The following NAV1 variants were observed in gnomAD, a reference collection of about 807,000 sequenced individuals.
NAV1 encodes the protein neuron navigator 1.
A neutral mutation model predicts 175.2 loss-of-function variants in NAV1; 18 were observed. The observed-to-expected ratio is 0.10, with a 90% CI of 0.07 to 0.15. The LOEUF (loss-of-function observed/expected upper bound fraction) is 0.15, where lower values mean the gene tolerates loss of function less well. Ranked by LOEUF, NAV1 falls within the 10% of genes least tolerant of loss-of-function variation. The probability of loss-of-function intolerance (pLI) is 1.00; values close to 1 mark genes in which losing one functional copy is unlikely to be tolerated. For synonymous variants in NAV1, 897 were observed against 978.7 expected (o/e 0.92, Z 1.56); for missense variants, 1,731 against 2,436.6 (o/e 0.71, Z 6.10).
chr1:201,570,588 A>AG (rs1666505250), intron 1 of NAV1, among the ~76,000 whole-genome samples: 1 of 152,230 alleles, frequency 6.6e-6, no homozygotes, highest in South Asian at 2.1e-4. Context: ...CCCACCAGTG[A>AG]GAAAAAAAAG....
At chr1:201,648,439 C>G in exon 1 of NAV1, 2 of 1,219,368 alleles carry the variant, frequency 1.6e-6, no homozygotes, top group Non-Finnish European at 2.0e-6. Flanking sequence ...CTTCCCTGCT[C>G]TTTCCTTTTT....
chr1:201,630,478 T>G (rs1390994942), intron 2 of NAV1, among the ~76,000 whole-genome samples: 1 of 152,214 alleles, frequency 6.6e-6, no homozygotes, highest in Admixed American at 6.5e-5. Flanking sequence ...GTATACTGCT[T>G]CTGTCTTCTC....
chr1:201,661,813 T>A (rs1022344773), intron 1 of NAV1, among the ~76,000 whole-genome samples: 1 of 152,166 alleles, frequency 6.6e-6, no homozygotes, highest in Non-Finnish European at 1.5e-5. Context: ...TTTCCCAGAG[T>A]GCTGCATCTA....
At chr1:201,790,506 A>T in intron 11 of NAV1, 48 bp from the exon 16 acceptor site, 3 of 1,610,686 alleles carry the variant, frequency 1.9e-6, no homozygotes, top group Non-Finnish European at 2.5e-6. Context: ...CTCCATAGTA[A>T]CTACTTCCTT....
chr1:201,626,774 C>T (rs1668341720), intron 1 of NAV1, among the ~76,000 whole-genome samples: 1 of 152,188 alleles, frequency 6.6e-6, no homozygotes, highest in Admixed American at 6.5e-5. Context: ...TTAATGGTAT[C>T]AGGAGCGTAG....
intron 3 of NAV1, among the ~76,000 whole-genome samples, chr1:201,751,378 T>A (rs1376773465): frequency 1.3e-5 from 2 of 152,232 alleles, no homozygotes; most frequent in Non-Finnish European, 1.5e-5. Flanking sequence ...ACTTTGTCAC[T>A]GATTTGTTCC....
chr1:201,789,867 G>C, intron 11 of NAV1, 75 bp downstream of exon 15: 1 of 1,447,782 alleles, frequency 6.9e-7, no homozygotes, highest in South Asian at 1.1e-5. Context: ...CCTCCTTGGA[G>C]TTGGGTAACT....
At chr1:201,565,620 C>A (rs1051724388) in intron 1 of NAV1, among the ~76,000 whole-genome samples, 1 of 152,210 alleles carries the variant, frequency 6.6e-6, no homozygotes, top group African/African-American at 2.4e-5. Context: ...AACTGAGCCC[C>A]CTCTGTGGGA....
At chr1:201,739,600 C>T (rs1054005769) in intron 3 of NAV1, 29 of 177,686 alleles carry the variant, frequency 1.6e-4, no homozygotes, top group African/African-American at 6.9e-4. Context: ...CGAGTAAGAG[C>T]GCCCAAGGGA....
chr1:201,680,097 G>A (rs1000630316), intron 1 of NAV1, among the ~76,000 whole-genome samples: 2 of 152,182 alleles, frequency 1.3e-5, no homozygotes, highest in Non-Finnish European at 2.9e-5. Flanking sequence ...TACAAGCAAG[G>A]CACCAGCATC....
intron 2 of NAV1, among the ~76,000 whole-genome samples, chr1:201,642,808 C>G (rs373420754): frequency 1.3e-5 from 2 of 149,698 alleles, no homozygotes; most frequent in African/African-American, 4.9e-5. Context: ...CTTGCTCTGT[C>G]GCCCAGGCTG....
chr1:201,639,050 G>A (rs1668680573), intron 2 of NAV1, among the ~76,000 whole-genome samples: 1 of 152,226 alleles, frequency 6.6e-6, no homozygotes, highest in African/African-American at 2.4e-5. Context: ...TCCTGGAGGA[G>A]GTGGCTCTGA....
At position 201,718,077 on chromosome 1, in the gene NAV1, C is replaced by T. The variant is rs1462465272; in HGVS notation, c.861-313C>T. On this transcript the variant is annotated intron_variant, in intron 2 of 29. Coordinates refer to ENST00000367296, the Ensembl canonical transcript of NAV1. The surrounding 1 kb of genome is among the most constrained non-coding windows in gnomAD (Gnocchi z 4.8). ...ACTGAAGCTTTAGTTATTTACTTTC[C>T]TTGGGCTCCTTTACTAACCAATACC... Among the ~76,000 whole-genome samples the T allele has an allele frequency of 6.6e-6, 1 of 152,206 alleles. No homozygotes were observed. Among genetic ancestry groups the T allele is most frequent in the Non-Finnish European group, 1.5e-5 (1 of 68,040 alleles).
intron 3 of NAV1, among the ~76,000 whole-genome samples, chr1:201,751,922 C>G (rs868716780): frequency 1.4e-4 from 22 of 152,198 alleles, no homozygotes; most frequent in African/African-American, 5.3e-4. Context: ...TCTTTTCGTT[C>G]TTTTTTTGTT....
chr1:201,804,027 G>A, intron 16 of NAV1: 1 of 508,510 alleles, frequency 2.0e-6, no homozygotes, highest in Non-Finnish European at 3.8e-6. Flanking sequence ...CATCTTATCA[G>A]TTCTGTCCCC....
Position 201,539,631 on chromosome 1 carries a change from C to T in NAV1, c.-144+289C>T, listed in dbSNP as rs1041303916. Among the ~76,000 whole-genome samples, 7 of 152,146 alleles carry T rather than the reference C, an allele frequency of 4.6e-5. No homozygotes were observed. Among genetic ancestry groups the T allele is most frequent in the African/African-American group, 1.7e-4 (7 of 41,446 alleles). ...TCCGGGGGGGCTGCCTAACTTCAGT[C>T]CCTCTGAGCCTCAGTTTCCTTGTTG... is the stretch of plus-strand genomic sequence containing the variant. On this transcript the variant is annotated intron_variant, in intron 1 of 33. Transcript: ENST00000685211. The surrounding 1 kb of genome is among the most constrained non-coding windows in gnomAD (Gnocchi z 5.6).
At chr1:201,650,580 G>A (rs984516912) in intron 1 of NAV1, among the ~76,000 whole-genome samples, 4 of 152,238 alleles carry the variant, frequency 2.6e-5, no homozygotes, top group African/African-American at 9.6e-5. Context: ...GCGGGGCCGA[G>A]TGACGGGCTT....
intron 2 of NAV1, among the ~76,000 whole-genome samples, chr1:201,616,673 G>T (rs977412746): frequency 1.3e-5 from 2 of 152,176 alleles, no homozygotes; most frequent in Non-Finnish European, 2.9e-5. Context: ...TTTCAGTAGA[G>T]ATGGGGTTTC....
intron 1 of NAV1, among the ~76,000 whole-genome samples, chr1:201,692,971 G>A (rs1671018923): frequency 6.6e-6 from 1 of 152,216 alleles, no homozygotes; most frequent in South Asian, 2.1e-4. Flanking sequence ...GATGGAATGG[G>A]ATGGCAGGGC....
Sources: allele counts gnomAD v4.1 joint callset (sites outside exome capture counted in the v4.1 genomes callset), GRCh38; gene constraint gnomAD v4.1.1; non-coding constraint Gnocchi (gnomAD v3.1); transcripts MANE v1.5; gene names NCBI Gene and HGNC (gene_info 2026-07-23, HGNC 2026-07-21).